The following TNFRSF9 variants were observed in gnomAD, a reference collection of about 807,000 sequenced individuals.
TNFRSF9 encodes tumor necrosis factor receptor superfamily member 9.
A neutral mutation model predicts 28.8 loss-of-function variants in TNFRSF9; 16 were observed. The ratio of observed to expected loss-of-function variants is 0.55; its 90% CI spans 0.38 to 0.84. The LOEUF (loss-of-function observed/expected upper bound fraction) is 0.84. Ranked by LOEUF, TNFRSF9 falls within the 40% of genes least tolerant of loss-of-function variation. The probability of loss-of-function intolerance (pLI) is 0.00; values close to 1 mark genes in which losing one functional copy is unlikely to be tolerated. For synonymous variants in TNFRSF9, 131 were observed against 117.0 expected, an observed-to-expected ratio of 1.12 and a Z score of -0.77; for missense variants, 303 against 315.0, an observed-to-expected ratio of 0.96 and a Z score of 0.29.
At chr1:7,929,043 G>T (rs1399353711) in intron 7 of TNFRSF9, among the ~76,000 whole-genome samples, 1 of 151,946 alleles carries the variant, frequency 6.6e-6, no homozygotes, top group Admixed American at 6.6e-5. Context: ...CTTGCACCAA[G>T]GCTACTGTAT....
intron 7 of TNFRSF9, among the ~76,000 whole-genome samples, chr1:7,930,345 G>C (rs1466989848): frequency 6.6e-6 from 1 of 152,078 alleles, no homozygotes; most frequent in Non-Finnish European, 1.5e-5. Context: ...TAGACTACCA[G>C]GGAGTGTCCT....
At chr1:7,932,708 C>T (rs1453767797) in intron 7 of TNFRSF9, among the ~76,000 whole-genome samples, 4 of 148,956 alleles carry the variant, frequency 2.7e-5, no homozygotes, top group African/African-American at 1.0e-4. Context: ...CACACGCACA[C>T]ACACACAGAC....
chr1:7,938,932 T>G, intron 2 of TNFRSF9, 104 bp from the exon 3 acceptor site: 1 of 734,486 alleles, frequency 1.4e-6, no homozygotes, highest in East Asian at 2.6e-5. Context: ...AATGATGAGT[T>G]TTCTAGATGC....
In TNFRSF9 at chr1:7,917,960, A is replaced by C. The variant is rs894551290; in HGVS notation, c.*2875T>G. 2.0e-4 allele frequency: 26 copies of C among 132,456 alleles called. No individual in the cohort carries two copies. Among genetic ancestry groups the C allele is most frequent in the African/African-American group, 7.5e-4 (21 of 28,060 alleles). 8.2% of individuals were successfully genotyped at this position (132,456 alleles called of 1,614,324 possible). On this transcript the variant is annotated 3_prime_UTR_variant, in exon 8 of 8. Coordinates refer to ENST00000377507, the MANE Select transcript of TNFRSF9 (RefSeq NM_001561.6). ...GGGAAAAATAAATTACAAAGGATAT[A>C]TATATATATATATATAGATATAGAT...
rs201461008 is a variant in TNFRSF9, at chr1:7,937,699, G to A, written c.404C>T (p.Pro135Leu). Residue 135 changes from proline (P) to leucine (L), a missense_variant, in exon 5 of 8, where the codon CCC becomes CTC. Transcript: ENST00000377507. ...AGGAAATTATACGTACTTTGTCCAG[G>A]GTCGACAGATGCCACGTTTCTGATC... is the stretch of plus-strand genomic sequence containing the variant. The part of the protein sequence containing the change: ...FNDQKRGICR[P>L]WTNCSLDGKS... 6 of 1,612,950 alleles carry A rather than the reference G, an allele frequency of 3.7e-6. No individual in the cohort carries two copies.
rs1239438957 is a variant in TNFRSF9 at position 7,917,230 on chromosome 1, CTAGCTAAGACACTTCTGAAG to C, written c.*3585_*3604del. The C allele has an allele frequency of 6.6e-6, 1 of 152,270 alleles. No individual in the cohort carries two copies. The highest frequency in any genetic ancestry group is 1.5e-5 in the Non-Finnish European group (1 of 68,082). The allele number at this position is 152,270 out of a possible 1,614,324, so 9.4% of individuals were successfully genotyped here. ...ACAGGCGTGAGCCACCGTGCCTGAC[CTAGCTAAGACACTTCTGAAG>C]TAGAAAAAGAAGGTGGAGGGAGATG... On this transcript the variant is annotated 3_prime_UTR_variant, in exon 8 of 8. Coordinates refer to ENST00000377507, the MANE Select transcript of TNFRSF9 (RefSeq NM_001561.6).
At position 7,938,802 on chromosome 1, in the gene TNFRSF9, G is replaced by C. The variant is rs1250207743; in HGVS notation, c.127C>G (p.Gln43Glu). The C allele has an allele frequency of 1.2e-6, 2 of 1,613,310 alleles. No homozygotes were observed. Among genetic ancestry groups the C allele is most frequent in the Non-Finnish European group, 1.7e-6 (2 of 1,179,468 alleles). ...AGTFCDNNRN[Q>E]ICSPCPPNSF... ...TTTGGAGGACAGGGACTGCAAATCTGATTCCTGTTATTATCACAGAATGTA... is the reference window on the plus strand; with the variant it reads ...TTTGGAGGACAGGGACTGCAAATCTCATTCCTGTTATTATCACAGAATGTA... The change falls in exon 3 of 8, where the codon CAG (glutamine) becomes GAG (glutamate). Residue 43 changes from glutamine (Q) to glutamate (E), a missense_variant. Physicochemically the swap from Gln to Glu is conservative, Grantham distance 29. Coordinates refer to ENST00000377507, the MANE Select transcript of TNFRSF9 (RefSeq NM_001561.6).
chr1:7,920,843 C>G lies in TNFRSF9; in HGVS notation c.760G>C (p.Glu254Gln). ...RFPEEEEGGCEL is the reference protein window; with the variant it reads ...RFPEEEEGGCQL ...CCCTATTGACTTCCATTTCACAGTT[C>G]ACATCCTCCTTCTTCTTCTTCTGGA... The change falls in exon 8 of 8, where the codon GAA (glutamate) becomes CAA (glutamine). Residue 254 changes from glutamate to glutamine, a missense_variant. Transcript: ENST00000377507. The G allele has an allele frequency of 6.2e-7, 1 of 1,613,476 alleles. No homozygotes were observed. The highest frequency in any genetic ancestry group is 8.5e-7 in the Non-Finnish European group (1 of 1,179,510).
At chr1:7,927,757 A>G (rs937958187) in intron 7 of TNFRSF9, among the ~76,000 whole-genome samples, 2 of 152,036 alleles carry the variant, frequency 1.3e-5, no homozygotes, top group Non-Finnish European at 2.9e-5. Context: ...AATCTTTGAG[A>G]CCCAGGACTC....
Position 7,938,235 on chromosome 1 carries a change from A to C in TNFRSF9, c.304T>G (p.Cys102Gly). 1 of 1,607,568 alleles carries C rather than the reference A, an allele frequency of 6.2e-7. No individual in the cohort carries two copies. Among genetic ancestry groups the C allele is most frequent in the Non-Finnish European group, 8.5e-7 (1 of 1,177,364 alleles). The change falls in exon 4 of 8, where the codon TGT (cysteine) becomes GGT (glycine). Residue 102 changes from cysteine (C) to glycine (G), a missense_variant. By Grantham distance (159) the Cys-to-Gly change is radical (BLOSUM62 -3). Transcript: ENST00000377507. Reference protein sequence around the residue: ...FHCLGAGCSMCEQDCKQGQEL... With the variant: ...FHCLGAGCSMGEQDCKQGQEL... ...TGACCTTGTTTACAATCCTGTTCAC[A>C]CATGCTGCATCCTGCCCCCAGGCAG...
chr1:7,922,097 C>T (rs1639568926), intron 7 of TNFRSF9: 1 of 152,184 alleles, frequency 6.6e-6, no homozygotes, highest in African/African-American at 2.4e-5. Context: ...ATTTGTGTTA[C>T]TGCTCCGCAA....
intron 7 of TNFRSF9, among the ~76,000 whole-genome samples, chr1:7,932,729 A>ACACAGACACGCACACACT: frequency 7.0e-6 from 1 of 142,846 alleles, no homozygotes; most frequent in South Asian, 2.1e-4. Flanking sequence ...ACGCACACAC[A>ACACAGACACGCACACACT]CACATACACA....
At chr1:7,924,305 A>G (rs4010116) in intron 7 of TNFRSF9, among the ~76,000 whole-genome samples, 5 of 15,942 alleles carry the variant, frequency 3.1e-4, no homozygotes, top group African/African-American at 1.2e-3. Flanking sequence ...ATATATATAT[A>G]TATATATATA....
chr1:7,921,340 A>G (rs1639555515), intron 7 of TNFRSF9, among the ~76,000 whole-genome samples: 1 of 98,076 alleles, frequency 1.0e-5, no homozygotes, highest in Non-Finnish European at 1.7e-5. Context: ...CTGTCTCAAA[A>G]AACAAAACAA....
intron 7 of TNFRSF9, among the ~76,000 whole-genome samples, chr1:7,931,477 T>C (rs1268239174): frequency 6.6e-6 from 1 of 152,236 alleles, no homozygotes; most frequent in Non-Finnish European, 1.5e-5. Context: ...TGGATGAATC[T>C]TCATGATACA....
At chr1:7,939,674 A>C (rs944288010) in intron 2 of TNFRSF9, among the ~76,000 whole-genome samples, 6 of 152,232 alleles carry the variant, frequency 3.9e-5, no homozygotes, top group Non-Finnish European at 8.8e-5. Context: ...CCTATAAAAC[A>C]GGTTCTCTTA....
chr1:7,924,718 A>T (rs1391956280), intron 7 of TNFRSF9, among the ~76,000 whole-genome samples: 2 of 152,296 alleles, frequency 1.3e-5, no homozygotes, highest in East Asian at 3.9e-4. Flanking sequence ...CCAGAAGAAG[A>T]CATTGTTCTC....
At chr1:7,933,409 G>T in intron 6 of TNFRSF9, 113 bp from the exon 7 acceptor site, 2 of 1,313,474 alleles carry the variant, frequency 1.5e-6, no homozygotes, top group South Asian at 1.5e-5. Context: ...ACAGCCTTGG[G>T]CATCTCCAAC....
Position 7,935,032 on chromosome 1 carries a change from A to C in TNFRSF9, c.525T>G (p.Pro175=). 6.2e-7 allele frequency: 1 copy of C among 1,614,240 alleles called. No individual in the cohort carries two copies. Among genetic ancestry groups the C allele is most frequent in the Non-Finnish European group, 8.5e-7 (1 of 1,180,034 alleles). ...LSPGASSVTP[P]APAREPGHSP... Reference sequence around the variant, plus strand: ...AGTTACCTGGCTCTCTCGCAGGGGCAGGCGGGGTCACAGAGGATGCTCCCG... The same window carrying C: ...AGTTACCTGGCTCTCTCGCAGGGGCCGGCGGGGTCACAGAGGATGCTCCCG... Residue 175 remains proline (P), a synonymous_variant, in exon 6 of 8, where the codon CCT becomes CCG. Coordinates refer to ENST00000377507, the MANE Select transcript of TNFRSF9 (RefSeq NM_001561.6).
Sources: allele counts gnomAD v4.1 joint callset (sites outside exome capture counted in the v4.1 genomes callset), GRCh38; gene constraint gnomAD v4.1.1; transcripts MANE v1.5; gene names NCBI Gene and HGNC (gene_info 2026-07-23, HGNC 2026-07-21).